The following GALNT17 variants were observed in gnomAD, a reference collection of about 807,000 sequenced individuals.
GALNT17 encodes polypeptide N-acetylgalactosaminyltransferase 17.
A neutral mutation model predicts 63.7 loss-of-function variants in GALNT17; 29 were observed. That is an observed-to-expected ratio of 0.46 (90% CI 0.34 to 0.62). GALNT17 has a LOEUF of 0.62. Ranked by LOEUF, GALNT17 falls within the 20% of genes least tolerant of loss-of-function variation. The pLI, the probability that GALNT17 is intolerant of heterozygous loss-of-function variation, is 0.01. For synonymous variants in GALNT17, 305 were observed against 318.3 expected, an observed-to-expected ratio of 0.96 and a Z score of 0.45; for missense variants, 603 against 799.6, an observed-to-expected ratio of 0.75 and a Z score of 2.97.
At chr7:71,432,321 C>G (rs1786881946) in intron 5 of GALNT17, among the ~76,000 whole-genome samples, 1 of 152,200 alleles carries the variant, frequency 6.6e-6, no homozygotes, top group East Asian at 1.9e-4. Context: ...TCCTGCCAAT[C>G]AGGAAGCTCA....
chr7:71,407,586 A>T (rs528350840), intron 3 of GALNT17, among the ~76,000 whole-genome samples: 3 of 152,246 alleles, frequency 2.0e-5, no homozygotes, highest in Non-Finnish European at 4.4e-5. Context: ...GTCTCTTCAA[A>T]AAATAAATAA....
At chr7:71,195,450 T>TAACTTACTG (rs1270492791) in intron 1 of GALNT17, among the ~76,000 whole-genome samples, 1 of 151,316 alleles carries the variant, frequency 6.6e-6, no homozygotes, top group African/African-American at 2.4e-5. Context: ...GGCATGATCA[T>TAACTTACTG]AACTTACTGC....
At chr7:71,647,686 G>A (rs928551575) in intron 6 of GALNT17, among the ~76,000 whole-genome samples, 1 of 152,210 alleles carries the variant, frequency 6.6e-6, no homozygotes, top group Admixed American at 6.5e-5. Context: ...CTGTGGCCAT[G>A]AACACATCCC....
chr7:71,261,996 C>A (rs1161489657), intron 1 of GALNT17, among the ~76,000 whole-genome samples: 1 of 152,148 alleles, frequency 6.6e-6, no homozygotes, highest in African/African-American at 2.4e-5. Flanking sequence ...ATCTTGGGCA[C>A]CCCGATTACC....
intron 1 of GALNT17, among the ~76,000 whole-genome samples, chr7:71,155,029 GT>G: frequency 6.6e-6 from 1 of 151,958 alleles, no homozygotes; most frequent in Admixed American, 6.5e-5. Flanking sequence ...TGCAGTGGGG[GT>G]TAGGTTGGCT....
intron 2 of GALNT17, among the ~76,000 whole-genome samples, chr7:71,351,926 T>A (rs10270927): frequency 0.3 from 45,475 of 151,792 alleles, 6,956 homozygotes; most frequent in East Asian, 0.48. Context: ...GATTGCAGAG[T>A]GCAGAAGAGA....
At chr7:71,420,384 T>TA (rs570958324) in intron 4 of GALNT17, among the ~76,000 whole-genome samples, 278 of 150,636 alleles carry the variant, frequency 1.8e-3, no homozygotes, top group African/African-American at 6.5e-3. Context: ...ACAACTGAAA[T>TA]AATCACACAC....
At chr7:71,595,838 C>T (rs544898944) in intron 6 of GALNT17, among the ~76,000 whole-genome samples, 5 of 152,144 alleles carry the variant, frequency 3.3e-5, no homozygotes, top group Admixed American at 2.6e-4. Flanking sequence ...CAACATGACA[C>T]GCAGGAAGAT....
chr7:71,356,664 T>A (rs530327764), intron 2 of GALNT17, among the ~76,000 whole-genome samples: 23 of 152,314 alleles, frequency 1.5e-4, no homozygotes, highest in African/African-American at 4.8e-4. Flanking sequence ...AAGGCGTTCA[T>A]GAGCGGTCGG....
intron 1 of GALNT17, among the ~76,000 whole-genome samples, chr7:71,317,522 A>G (rs1158421228): frequency 6.6e-6 from 1 of 152,054 alleles, no homozygotes; most frequent in Non-Finnish European, 1.5e-5. Flanking sequence ...CCCAGATAGA[A>G]CAGCATAAAG....
intron 4 of GALNT17, among the ~76,000 whole-genome samples, chr7:71,419,101 T>G (rs759566404): frequency 2.6e-5 from 4 of 152,026 alleles, no homozygotes; most frequent in Middle Eastern, 3.2e-3. Context: ...AAAAGAAATA[T>G]CATTGGAACC....
At chr7:71,386,196 C>T (rs1792940209) in intron 2 of GALNT17, among the ~76,000 whole-genome samples, 1 of 152,202 alleles carries the variant, frequency 6.6e-6, no homozygotes, top group South Asian at 2.1e-4. Context: ...CGATCTTCTC[C>T]AGGAGACAAA....
chr7:71,155,394 C>T (rs901135617), intron 1 of GALNT17, among the ~76,000 whole-genome samples: 4 of 151,620 alleles, frequency 2.6e-5, no homozygotes, highest in Non-Finnish European at 5.9e-5. Flanking sequence ...GTGCCTTAGC[C>T]GCCACAGTAG....
intron 5 of GALNT17, among the ~76,000 whole-genome samples, chr7:71,473,323 T>G (rs566763706): frequency 3.9e-5 from 6 of 152,320 alleles, no homozygotes; most frequent in African/African-American, 1.2e-4. Flanking sequence ...GACTCTTAGC[T>G]AATCCCTTCT....
rs1036049231 is a variant in GALNT17 at position 71,575,222 on chromosome 7, C to A, written c.1080+3820C>A. On this transcript the variant is annotated intron_variant, in intron 6 of 10. Coordinates refer to ENST00000333538, the MANE Select transcript of GALNT17 (RefSeq NM_022479.3). ...ATTCTTAAGAAATCCATCCCCACCG[C>A]CTGAATAAAGAAGCAGGGCTTTATG... Among the ~76,000 whole-genome samples, 15 of 152,208 alleles carry A rather than the reference C, an allele frequency of 9.9e-5. No individual in the cohort carries two copies. The South Asian group carries it at 1.7e-3, about 17-fold the overall frequency.
In GALNT17 at chr7:71,530,864, G is replaced by A. The variant is rs919954835; in HGVS notation, c.963-40421G>A. On this transcript the variant is annotated intron_variant, in intron 5 of 10. Transcript: ENST00000333538. Reference sequence around the variant, plus strand: ...ATTACAGGCGTGAGCCACCATGCCCGGCCAAGAATTTTATTTTTAACAAGC... The same window carrying A: ...ATTACAGGCGTGAGCCACCATGCCCAGCCAAGAATTTTATTTTTAACAAGC... Among the ~76,000 whole-genome samples the A allele has an allele frequency of 3.3e-5, 5 of 152,026 alleles. No homozygotes were observed. In the South Asian group the frequency reaches 1.0e-3, roughly 32 times the overall value.
intron 6 of GALNT17, among the ~76,000 whole-genome samples, chr7:71,661,274 TACTG>T (rs1201342357): frequency 6.6e-6 from 1 of 152,134 alleles, no homozygotes. Flanking sequence ...CTCCTCCCCT[TACTG>T]ACTGTGGGGT....
intron 1 of GALNT17, among the ~76,000 whole-genome samples, chr7:71,154,054 A>G (rs1046306326): frequency 6.6e-6 from 1 of 152,180 alleles, no homozygotes; most frequent in Non-Finnish European, 1.5e-5. Context: ...GCTTCTAGTG[A>G]TCGAATTCAG....
chr7:71,228,908 T>G (rs568795443), intron 1 of GALNT17, among the ~76,000 whole-genome samples: 1 of 152,164 alleles, frequency 6.6e-6, no homozygotes, highest in African/African-American at 2.4e-5. Flanking sequence ...TAGCCCTTTT[T>G]TTTTCCCTCC....
Sources: allele counts gnomAD v4.1 joint callset (sites outside exome capture counted in the v4.1 genomes callset), GRCh38; gene constraint gnomAD v4.1.1; transcripts MANE v1.5; gene names NCBI Gene and HGNC (gene_info 2026-07-23, HGNC 2026-07-21).